Variants in PARP4 observed in about 807,000 individuals in gnomAD.
PARP4 encodes poly(ADP-ribose) polymerase family member 4, also known as protein mono-ADP-ribosyltransferase PARP4.
A neutral mutation model predicts 187.7 loss-of-function variants in PARP4; 120 were observed. The observed-to-expected ratio is 0.64, with a 90% CI of 0.55 to 0.74. The LOEUF is 0.74. Among genes scored for constraint, PARP4 ranks in the 30% least tolerant of loss-of-function variants. The pLI is 0.00. For synonymous variants in PARP4, 654 were observed against 740.9 expected (o/e 0.88, Z 1.90); for missense variants, 1,836 against 2,070.5 (o/e 0.89, Z 2.20).
chr13:24,495,446 C>T (rs960455162), intron 6 of PARP4, among the ~76,000 whole-genome samples: 14 of 152,112 alleles, frequency 9.2e-5, no homozygotes, highest in Admixed American at 5.9e-4. Flanking sequence ...GGGCACACAG[C>T]GAAAATGAAA....
intron 17 of PARP4, among the ~76,000 whole-genome samples, chr13:24,463,889 T>A (rs765438634): frequency 2.6e-5 from 4 of 152,126 alleles, no homozygotes; most frequent in Non-Finnish European, 5.9e-5. Context: ...ATCCTATATC[T>A]AGAAAACCCC....
chr13:24,505,077 A>ACTGTAATCTCTGCCCACTGCAATCT (rs1869543827), intron 1 of PARP4, among the ~76,000 whole-genome samples: 1 of 147,462 alleles, frequency 6.8e-6, no homozygotes, highest in Non-Finnish European at 1.5e-5. Flanking sequence ...ATCTCAGCTC[A>ACTGTAATCTCTGCCCACTGCAATCT]CTGTAATCTC....
chr13:24,507,072 G>C (rs557977680), intron 1 of PARP4, among the ~76,000 whole-genome samples: 271 of 149,128 alleles, frequency 1.8e-3, no homozygotes, highest in Middle Eastern at 7.0e-3. Flanking sequence ...TCACTGTCCG[G>C]GGCCGGCGGG....
rs59256077 is a variant in PARP4, at chr13:24,447,332, G to A, written c.3115-146C>T. 2,392 of 471,632 alleles carry A rather than the reference G, an allele frequency of 5.1e-3. 49 individuals carry two copies. Among genetic ancestry groups the A allele is most frequent in the African/African-American group, 0.043 (2,143 of 50,186 alleles). 29.2% of individuals were successfully genotyped at this position (471,632 alleles called of 1,614,324 possible). The stretch of plus-strand genomic sequence containing the variant: ...CCTTCCTGCTACAGGGTACTTTCCC[G>A]AAAATAGTTTAAACAGAATTTTATT... On this transcript the variant is annotated intron_variant, in intron 25 of 33. Transcript: ENST00000381989.
intron 31 of PARP4, among the ~76,000 whole-genome samples, chr13:24,434,187 T>A (rs964792033): frequency 1.3e-5 from 2 of 152,240 alleles, no homozygotes; most frequent in African/African-American, 4.8e-5. Context: ...CCAGCCAGCA[T>A]CAAGCACACT....
intron 12 of PARP4, among the ~76,000 whole-genome samples, chr13:24,480,645 T>C (rs547717395): frequency 6.6e-6 from 1 of 152,322 alleles, no homozygotes; most frequent in Admixed American, 6.5e-5. Context: ...GGATAGAAGA[T>C]CAAACCAGCC....
chr13:24,434,409 T>C lies in PARP4; in HGVS notation c.4732A>G (p.Ser1578Gly). Residue 1578 changes from serine (S) to glycine (G), a missense_variant, in exon 31 of 34, where the codon AGT (serine) becomes GGT (glycine). Coordinates refer to ENST00000381989, the MANE Select transcript of PARP4 (RefSeq NM_006437.4). ...AAGACACATACCTCTGTCTGTAGAC[T>C]GAGGAGTTCTGTCCAAGGCACAGCA... Reference protein sequence around the residue: ...QDAVPWTELLSLQTEDGFWKL... With the variant: ...QDAVPWTELLGLQTEDGFWKL... 9.0e-6 allele frequency: 14 copies of C among 1,560,106 alleles called. No homozygotes were observed. Among genetic ancestry groups the C allele is most frequent in the South Asian group, 1.2e-5 (1 of 82,478 alleles).
intron 1 of PARP4, among the ~76,000 whole-genome samples, chr13:24,508,049 G>T (rs866753277): frequency 6.6e-6 from 1 of 152,228 alleles, no homozygotes; most frequent in South Asian, 2.1e-4. Flanking sequence ...TTCATTTGTT[G>T]ACTGCCTCTC....
chr13:24,454,261 C>T (rs1466682519), intron 22 of PARP4, among the ~76,000 whole-genome samples: 1 of 152,220 alleles, frequency 6.6e-6, no homozygotes, highest in Non-Finnish European at 1.5e-5. Flanking sequence ...AGCAGCTTGG[C>T]CCCTGGAAGG....
intron 14 of PARP4, among the ~76,000 whole-genome samples, chr13:24,476,773 A>T (rs1414269767): frequency 2.6e-5 from 4 of 152,218 alleles, no homozygotes; most frequent in Non-Finnish European, 5.9e-5. Flanking sequence ...GTTTGGCCTC[A>T]TGATACTCTG....
chr13:24,431,255 G>A lies in PARP4; in HGVS notation c.4846+122C>T, dbSNP rs184764482. On this transcript the variant is annotated intron_variant, in intron 32 of 33. Coordinates refer to ENST00000381989, the MANE Select transcript of PARP4 (RefSeq NM_006437.4). Reference sequence around the variant, plus strand: ...TTAATGGTTAAATATAATTCCATTCGAATATAACTTTCATAATTATTACAT... The same window carrying A: ...TTAATGGTTAAATATAATTCCATTCAAATATAACTTTCATAATTATTACAT... 4.0e-5 allele frequency: 24 copies of A among 596,212 alleles called. No homozygotes were observed. In the Admixed American group the frequency reaches 5.7e-4, roughly 14 times the overall value. The allele number at this position is 596,212 out of a possible 1,614,324, so 36.9% of individuals were successfully genotyped here. A position where few individuals can be genotyped will look rare whatever the true frequency, so the allele number is the denominator to read the frequency against.
chr13:24,455,917 C>T (rs1871819940), intron 21 of PARP4, among the ~76,000 whole-genome samples: 1 of 152,014 alleles, frequency 6.6e-6, no homozygotes, highest in African/African-American at 2.4e-5. Context: ...GCCACCACAC[C>T]CAGCCTAAGT....
At chr13:24,453,192 T>C (rs983657349) in intron 23 of PARP4, among the ~76,000 whole-genome samples, 2 of 152,098 alleles carry the variant, frequency 1.3e-5, no homozygotes, top group African/African-American at 4.8e-5. Flanking sequence ...CGCCCTGGCC[T>C]CCCAAAGTGC....
At chr13:24,503,600 T>C (rs1319305628) in intron 2 of PARP4, 45 bp downstream of exon 2, 2 of 1,605,324 alleles carry the variant, frequency 1.2e-6, no homozygotes, top group Admixed American at 1.7e-5. Flanking sequence ...GTTCCCTGAA[T>C]GCGCAATGTT....
chr13:24,442,496 TG>T, intron 29 of PARP4, 93 bp downstream of exon 29: 1 of 940,708 alleles, frequency 1.1e-6, no homozygotes, highest in Non-Finnish European at 1.7e-6. Context: ...GCCCAGGGTG[TG>T]GATGTCGTCA....
intron 30 of PARP4, among the ~76,000 whole-genome samples, chr13:24,437,723 C>T (rs1870702385): frequency 6.6e-6 from 1 of 151,880 alleles, no homozygotes. Context: ...TGGAGCATCC[C>T]AGCTACTCAG....
At chr13:24,472,462 C>T (rs533161321) in intron 15 of PARP4, among the ~76,000 whole-genome samples, 5 of 152,270 alleles carry the variant, frequency 3.3e-5, no homozygotes, top group African/African-American at 1.2e-4. Context: ...TTAAGGTGAT[C>T]ACTGAAATGG....
intron 12 of PARP4, among the ~76,000 whole-genome samples, chr13:24,479,732 G>A (rs953397721): frequency 6.6e-6 from 1 of 152,216 alleles, no homozygotes; most frequent in African/African-American, 2.4e-5. Context: ...GGTGGTGCCA[G>A]ATAAGAGAAT....
At chr13:24,503,276 T>C (rs530357259) in intron 2 of PARP4, among the ~76,000 whole-genome samples, 1 of 152,374 alleles carries the variant, frequency 6.6e-6, no homozygotes, top group Non-Finnish European at 1.5e-5. Context: ...CACCCCAGCG[T>C]TGACATACTG....
Sources: gnomAD v4.1 joint callset for allele counts (sites outside exome capture counted in the v4.1 genomes callset) on GRCh38, gnomAD v4.1.1 for gene constraint, MANE v1.5 for transcripts, NCBI Gene and HGNC (gene_info 2026-07-23, HGNC 2026-07-21) for gene names.